Variants in USP7 observed in about 807,000 individuals in gnomAD.
USP7 encodes ubiquitin C-terminal hydrolase 7.
USP7 carries 9 observed loss-of-function variants against 162.9 expected under a neutral mutation model. The ratio of observed to expected loss-of-function variants is 0.06; its 90% CI spans 0.03 to 0.10. USP7 has a LOEUF of 0.10. USP7 is among the 10% of genes least tolerant of loss of function. The probability of loss-of-function intolerance (pLI) is 1.00; values close to 1 mark genes in which losing one functional copy is unlikely to be tolerated. For synonymous variants in USP7, 562 were observed against 475.9 expected, an observed-to-expected ratio of 1.18 and a Z score of -2.35; for missense variants, 715 against 1,373.7, an observed-to-expected ratio of 0.52 and a Z score of 7.58.
At chr16:8,920,997 A>T (rs1442268328) in intron 4 of USP7, among the ~76,000 whole-genome samples, 160 bp downstream of exon 4, 3 of 152,262 alleles carry the variant, frequency 2.0e-5, no homozygotes, top group Admixed American at 2.0e-4. Context: ...TAAAAACGTA[A>T]GATACGAAAC....
At chr16:8,921,022 T>C in intron 4 of USP7, 135 bp downstream of exon 4, 4 of 1,015,662 alleles carry the variant, frequency 3.9e-6, no homozygotes, top group Non-Finnish European at 5.5e-6. Flanking sequence ...GAAAACATGT[T>C]TTCAAAGACA....
In USP7 at chr16:8,947,629, T is replaced by C. The variant is rs1899349752; in HGVS notation, c.79+15578A>G. Among the ~76,000 whole-genome samples the C allele has an allele frequency of 2.2e-5, 3 of 135,942 alleles. No homozygotes were observed. The South Asian group carries it at 6.6e-4, about 30-fold the overall frequency. The allele number at this position is 135,942 out of a possible 152,430, so 89.2% of individuals were successfully genotyped here. On this transcript the variant is annotated intron_variant, in intron 1 of 30. Transcript: ENST00000344836. ...TCCCAAAATGCTGGGATTACAGGTG[T>C]GCGCTTATTTTTCAATCAATAAACA...
chr16:8,916,451 T>A, intron 8 of USP7, 51 bp downstream of exon 8: 1 of 1,568,140 alleles, frequency 6.4e-7, no homozygotes, highest in Non-Finnish European at 8.7e-7. Context: ...CTTCTGACCA[T>A]GCTTCAAAAT....
At chr16:8,934,632 C>T (rs1355908412) in intron 1 of USP7, among the ~76,000 whole-genome samples, 1 of 152,226 alleles carries the variant, frequency 6.6e-6, no homozygotes, top group East Asian at 1.9e-4. Context: ...TCTGCGGTTG[C>T]AGCAGAATCT....
chr16:8,920,712 C>T (rs903895077), intron 4 of USP7, among the ~76,000 whole-genome samples: 1 of 152,146 alleles, frequency 6.6e-6, no homozygotes, highest in African/African-American at 2.4e-5. Flanking sequence ...GAAATCTGTG[C>T]CCCTCTAAGC....
intron 22 of USP7, 149 bp downstream of exon 22, chr16:8,899,455 G>A (rs930708335): frequency 2.9e-6 from 3 of 1,042,082 alleles, no homozygotes; most frequent in Non-Finnish European, 4.1e-6. Flanking sequence ...TCCCAAGGCA[G>A]AGAGCCTGAA....
At chr16:8,963,020 G>T in intron 1 of USP7, 187 bp downstream of exon 1, 1 of 354,738 alleles carries the variant, frequency 2.8e-6, no homozygotes, top group Non-Finnish European at 4.4e-6. Context: ...CCCGGCGGCC[G>T]CCCCTCGCCC....
intron 1 of USP7, among the ~76,000 whole-genome samples, chr16:8,960,054 C>T (rs1315537538): frequency 6.6e-6 from 1 of 152,228 alleles, no homozygotes; most frequent in Non-Finnish European, 1.5e-5. Flanking sequence ...GCGTCTACAC[C>T]GACCATCTGA....
At position 8,899,770 on chromosome 16, in the gene USP7, G is replaced by A; in HGVS notation, c.2310-13C>T. ...TTCAGGGTCATCCCTGGTGGAGGGA[G>A]AAAGTTTGCAGTCTGAATCAAAGTC... On this transcript the variant is annotated splice_polypyrimidine_tract_variant and intron_variant, in intron 21 of 30. Transcript: ENST00000344836. 6.2e-7 allele frequency: 1 copy of A among 1,614,184 alleles called. No homozygotes were observed. The highest frequency in any genetic ancestry group is 8.5e-7 in the Non-Finnish European group (1 of 1,180,006).
chr16:8,913,339 G>C (rs1489166923), intron 10 of USP7, among the ~76,000 whole-genome samples: 1 of 150,784 alleles, frequency 6.6e-6, no homozygotes, highest in African/African-American at 2.5e-5. Flanking sequence ...CTGGGCAACA[G>C]AGCGAGACTC....
At chr16:8,940,384 G>A (rs566176027) in intron 1 of USP7, among the ~76,000 whole-genome samples, 12 of 152,362 alleles carry the variant, frequency 7.9e-5, no homozygotes, top group Admixed American at 5.9e-4. Flanking sequence ...CTCCAGCACA[G>A]TGCTCAGGAG....
At chr16:8,907,256 A>G (rs2061875028) in intron 12 of USP7, among the ~76,000 whole-genome samples, 1 of 152,262 alleles carries the variant, frequency 6.6e-6, no homozygotes, top group Non-Finnish European at 1.5e-5. Context: ...CAACAAAAAT[A>G]AAAACAAAGT....
chr16:8,930,518 T>A, intron 1 of USP7, 121 bp from the exon 2 acceptor site: 1 of 660,650 alleles, frequency 1.5e-6, no homozygotes, highest in Non-Finnish European at 2.4e-6. Flanking sequence ...TGTACCACAA[T>A]AAAGATTCAT....
At chr16:8,932,942 C>A (rs1452921279) in intron 1 of USP7, among the ~76,000 whole-genome samples, 2 of 151,966 alleles carry the variant, frequency 1.3e-5, no homozygotes, top group South Asian at 2.1e-4. Context: ...ATGGCACATT[C>A]CAATGGAATT....
At chr16:8,936,094 A>G (rs569940711) in intron 1 of USP7, among the ~76,000 whole-genome samples, 2 of 152,308 alleles carry the variant, frequency 1.3e-5, no homozygotes, top group South Asian at 4.1e-4. Context: ...GGTGTGTTGA[A>G]ACTAAGAGTC....
At position 8,923,084 on chromosome 16, in the gene USP7, T is replaced by C. The variant is rs1417559237; in HGVS notation, c.383+131A>G. 48 of 670,992 alleles carry C rather than the reference T, an allele frequency of 7.2e-5. No homozygotes were observed. The East Asian group carries it at 1.1e-3, about 15-fold the overall frequency. The allele number at this position is 670,992 out of a possible 1,614,324, so 41.6% of individuals were successfully genotyped here. ...AGCTTGGATATTATACATATACCAG[T>C]GGGTTTTAAAGAGAAACACGTATTT... On this transcript the variant is annotated intron_variant, in intron 3 of 30. Coordinates refer to ENST00000344836, the MANE Select transcript of USP7 (RefSeq NM_003470.3).
At chr16:8,951,542 T>G (rs936676261) in intron 1 of USP7, among the ~76,000 whole-genome samples, 1 of 152,142 alleles carries the variant, frequency 6.6e-6, no homozygotes, top group African/African-American at 2.4e-5. Flanking sequence ...GATATCCTAT[T>G]TGCTCATCTG....
In USP7 at chr16:8,910,579, T is replaced by TC. The variant is rs34694496; in HGVS notation, c.1161+165dup. ...ACCAGCTGCACTCCATCTCCCAACATCCCCCTCTCCCTCCCCATTCAATTA... is the reference window on the plus strand; with the variant it reads ...ACCAGCTGCACTCCATCTCCCAACATCCCCCCTCTCCCTCCCCATTCAATTA... On this transcript the variant is annotated intron_variant, in intron 11 of 30. Transcript: ENST00000344836. Among the ~76,000 whole-genome samples, 715 of 151,764 alleles carry TC rather than the reference T, an allele frequency of 4.7e-3. 6 individuals are homozygous for TC. Among genetic ancestry groups the TC allele is most frequent in the African/African-American group, 0.016 (671 of 41,364 alleles).
In USP7 at chr16:8,917,526, G is replaced by A. The variant is rs557766460; in HGVS notation, c.721-370C>T. Among the ~76,000 whole-genome samples, 4 of 150,826 alleles carry A rather than the reference G, an allele frequency of 2.7e-5. No individual in the cohort carries two copies. In the South Asian group the frequency reaches 6.3e-4, roughly 24 times the overall value. On this transcript the variant is annotated intron_variant, in intron 6 of 30. Transcript: ENST00000344836. Reference sequence around the variant, plus strand: ...CCCGAGTAGCTGGAATTACAGGCACGCACCACCACGCCAGGCTAATTTATG... The same window carrying A: ...CCCGAGTAGCTGGAATTACAGGCACACACCACCACGCCAGGCTAATTTATG...
Sources: allele counts gnomAD v4.1 joint callset (sites outside exome capture counted in the v4.1 genomes callset), GRCh38; gene constraint gnomAD v4.1.1; transcripts MANE v1.5; gene names NCBI Gene and HGNC (gene_info 2026-07-23, HGNC 2026-07-21).